The following ERF variants were observed in gnomAD, a reference collection of about 807,000 sequenced individuals.
ERF encodes ETS domain-containing transcription factor ERF.
A neutral mutation model predicts 41.6 loss-of-function variants in ERF; 10 were observed. The observed-to-expected ratio is 0.24, with a 90% CI of 0.15 to 0.41. The LOEUF (loss-of-function observed/expected upper bound fraction) is 0.41, where lower values mean the gene tolerates loss of function less well. Ranked by LOEUF, ERF falls within the 10% of genes least tolerant of loss-of-function variation. ERF has a pLI of 1.00. For synonymous variants in ERF, 395 were observed against 342.4 expected (o/e 1.15, Z -1.70); for missense variants, 621 against 763.2 (o/e 0.81, Z 2.19).
rs555470893 is a variant in ERF at position 42,248,401 on chromosome 19, G to A, written c.*64C>T. 2.2e-6 allele frequency: 3 copies of A among 1,384,146 alleles called. No individual in the cohort carries two copies. In the South Asian group the frequency reaches 5.9e-5, roughly 27 times the overall value. 85.7% of individuals were successfully genotyped at this position (1,384,146 alleles called of 1,614,324 possible). A position where few individuals can be genotyped will look rare whatever the true frequency, so the allele number is the denominator to read the frequency against. ...AGCTGCCCTCACCTCCAGGGCATAG[G>A]GGGCTTAAGGCAGCAAAAGAAGCAT... On this transcript the variant is annotated 3_prime_UTR_variant, in exon 4 of 4. Transcript: ENST00000222329. The surrounding 1 kb of genome is among the most constrained non-coding windows in gnomAD (Gnocchi z 4.2).
chr19:42,248,855 C>T lies in ERF; in HGVS notation c.1257G>A (p.Pro419=), dbSNP rs755237509. ...CCACCTTGATCTGTGGTGGCGGGGGCGGTGGGGCTAGCGCCCCTGCCCCCT... is the reference window on the plus strand; with the variant it reads ...CCACCTTGATCTGTGGTGGCGGGGGTGGTGGGGCTAGCGCCCCTGCCCCCT... The part of the protein sequence containing the change: ...LAEGAGALAP[P]PPPPQIKVEP... The change falls in exon 4 of 4, where the codon CCG becomes CCA. Residue 419 remains proline (P), a synonymous_variant. Coordinates refer to ENST00000222329, the MANE Select transcript of ERF (RefSeq NM_006494.4). The surrounding 1 kb of genome is among the most constrained non-coding windows in gnomAD (Gnocchi z 4.2). The T allele has an allele frequency of 2.5e-5, 41 of 1,609,846 alleles. 1 individual carries two copies. Among genetic ancestry groups the T allele is most frequent in the African/African-American group, 9.3e-5 (7 of 74,892 alleles).
chr19:42,248,348 A>C lies in ERF; in HGVS notation c.*117T>G. 1.1e-6 allele frequency: 1 copy of C among 933,520 alleles called. No individual in the cohort carries two copies. The highest frequency in any genetic ancestry group is 1.4e-6 in the Non-Finnish European group (1 of 690,848). 57.8% of individuals were successfully genotyped at this position (933,520 alleles called of 1,614,324 possible). A position where few individuals can be genotyped will look rare whatever the true frequency, so the allele number is the denominator to read the frequency against. ...TTTTATACAAAATGTGGGGAGGGAA[A>C]AGGGAGGAGGCAGGGAAGAGACAAG... On this transcript the variant is annotated 3_prime_UTR_variant, in exon 4 of 4. Coordinates refer to ENST00000222329, the MANE Select transcript of ERF (RefSeq NM_006494.4). The surrounding 1 kb of genome is among the most constrained non-coding windows in gnomAD (Gnocchi z 4.2).
In ERF at chr19:42,250,552, C is replaced by A; in HGVS notation, c.36G>T (p.Pro12=). Residue 12 remains proline, a synonymous_variant, in exon 2 of 4, where the codon CCG becomes CCT. Transcript: ENST00000222329. The surrounding 1 kb of genome is among the most constrained non-coding windows in gnomAD (Gnocchi z 5.1). The stretch of plus-strand genomic sequence containing the variant: ...ACGACTCTGGCTTGTAGGCCCAATC[C>A]GGGAAGGCAAACCCTGGGGACGGGA... ...KTPADTGFAF[P]DWAYKPESSP... The A allele has an allele frequency of 6.2e-7, 1 of 1,613,382 alleles. No homozygotes were observed. Among genetic ancestry groups the A allele is most frequent in the Non-Finnish European group, 8.5e-7 (1 of 1,179,982 alleles).
Position 42,250,715 on chromosome 19 carries a change from T to A in ERF, c.23-150A>T. 1.3e-6 allele frequency: 1 copy of A among 778,968 alleles called. No homozygotes were observed. The highest frequency in any genetic ancestry group is 2.0e-6 in the Non-Finnish European group (1 of 490,214). 48.3% of individuals were successfully genotyped at this position (778,968 alleles called of 1,614,324 possible). A position where few individuals can be genotyped will look rare whatever the true frequency, so the allele number is the denominator to read the frequency against. ...CAAGATCTGATTTAAGAGAAGACAGTGCGTGTCTGTCTGTCTGCATGTGAG... is the reference window on the plus strand; with the variant it reads ...CAAGATCTGATTTAAGAGAAGACAGAGCGTGTCTGTCTGTCTGCATGTGAG... On this transcript the variant is annotated intron_variant, in intron 1 of 3. Coordinates refer to ENST00000222329, the MANE Select transcript of ERF (RefSeq NM_006494.4). This position sits in a 1 kb window ranked among gnomAD's most constrained non-coding sequence, Gnocchi z 5.1.
Position 42,249,294 on chromosome 19 carries a change from G to C in ERF, c.818C>G (p.Thr273Ser), listed in dbSNP as rs374191725. The change falls in exon 4 of 4, where the codon ACC becomes AGC. Residue 273 changes from threonine (T) to serine (S), a missense_variant. By Grantham distance (58) the Thr-to-Ser change is moderately conservative (BLOSUM62 1). This residue lies in a region of ERF where 569 missense variants were observed against 625.5 expected (regional missense o/e 0.91). Transcript: ENST00000222329. The surrounding 1 kb of genome is among the most constrained non-coding windows in gnomAD (Gnocchi z 8.6). ...GGGCGAGGGAGTGTAGGCCAGGTGGGTGGGCGTCATGGGCAGAGCCGGGGA... is the reference window on the plus strand; with the variant it reads ...GGGCGAGGGAGTGTAGGCCAGGTGGCTGGGCGTCATGGGCAGAGCCGGGGA... ...QLSPALPMTP[T>S]HLAYTPSPTL... The C allele has an allele frequency of 9.1e-5, 146 of 1,602,550 alleles. No homozygotes were observed. Among genetic ancestry groups the C allele is most frequent in the Middle Eastern group, 6.7e-4 (4 of 6,000 alleles).
rs1326015747 is a variant in ERF, at chr19:42,250,497, G to A, written c.91C>T (p.His31Tyr). The change falls in exon 2 of 4, where the codon CAC becomes TAC. Residue 31 changes from histidine (H) to tyrosine (Y), a missense_variant. Transcript: ENST00000222329. The surrounding 1 kb of genome is among the most constrained non-coding windows in gnomAD (Gnocchi z 5.1). The stretch of plus-strand genomic sequence containing the variant: ...TTCCGCAGCAGCTCCAGGATAAAGT[G>A]CCACAGCTGGATCTGCCTTGAGCCA... ...SPGSRQIQLW[H>Y]FILELLRKEE... 1 of 1,613,728 alleles carries A rather than the reference G, an allele frequency of 6.2e-7. No homozygotes were observed. The highest frequency in any genetic ancestry group is 1.1e-5 in the South Asian group (1 of 91,064).
Position 42,250,237 on chromosome 19 carries a change from G to A in ERF, c.257+94C>T. On this transcript the variant is annotated intron_variant, in intron 2 of 3. Coordinates refer to ENST00000222329, the MANE Select transcript of ERF (RefSeq NM_006494.4). This position sits in a 1 kb window ranked among gnomAD's most constrained non-coding sequence, Gnocchi z 5.1. ...CACAGCTAGGATTTGGCAAAGCCAG[G>A]GGTCAGACCCAATGCTTGTTCCCAC... is the stretch of plus-strand genomic sequence containing the variant. The A allele has an allele frequency of 7.0e-7, 1 of 1,428,922 alleles. No individual in the cohort carries two copies. Among genetic ancestry groups the A allele is most frequent in the Non-Finnish European group, 9.6e-7 (1 of 1,045,802 alleles). 88.5% of individuals were successfully genotyped at this position (1,428,922 alleles called of 1,614,324 possible).
chr19:42,251,512 T>G, intron 1 of ERF: 1 of 240,700 alleles, frequency 4.2e-6, no homozygotes, highest in Non-Finnish European at 6.5e-6. Context: ...CATCAATAAT[T>G]CAGCACCAGG....
chr19:42,248,781 C>G lies in ERF; in HGVS notation c.1331G>C (p.Ser444Thr). 1 of 1,613,558 alleles carries G rather than the reference C, an allele frequency of 6.2e-7. No homozygotes were observed. Among genetic ancestry groups the G allele is most frequent in the Non-Finnish European group, 8.5e-7 (1 of 1,179,964 alleles). The change falls in exon 4 of 4, where the codon AGT (serine) becomes ACT (threonine). Residue 444 changes from serine (S) to threonine (T), a missense_variant. This residue lies in a region of ERF where 569 missense variants were observed against 625.5 expected (regional missense o/e 0.91). Coordinates refer to ENST00000222329, the MANE Select transcript of ERF (RefSeq NM_006494.4). This position sits in a 1 kb window ranked among gnomAD's most constrained non-coding sequence, Gnocchi z 4.2. ...ESEEVEVTDI[S>T]DEDEEDGEVF... is the part of the protein sequence containing the mutation. ...CTCCCCGTCTTCCTCATCCTCATCACTGATGTCAGTCACCTCTACCTCCTC... is the reference window on the plus strand; with the variant it reads ...CTCCCCGTCTTCCTCATCCTCATCAGTGATGTCAGTCACCTCTACCTCCTC...
At position 42,250,206 on chromosome 19, in the gene ERF, A is replaced by T; in HGVS notation, c.257+125T>A. On this transcript the variant is annotated intron_variant, in intron 2 of 3. Coordinates refer to ENST00000222329, the MANE Select transcript of ERF (RefSeq NM_006494.4). This position sits in a 1 kb window ranked among gnomAD's most constrained non-coding sequence, Gnocchi z 5.1. ...TCAGGGAAGGGCTGGGAGTGGCCCA[A>T]GGTCACACAGCTAGGATTTGGCAAA... 1 of 1,128,200 alleles carries T rather than the reference A, an allele frequency of 8.9e-7. No homozygotes were observed. 69.9% of individuals were successfully genotyped at this position (1,128,200 alleles called of 1,614,324 possible).
In ERF at chr19:42,250,201, GC is replaced by G; in HGVS notation, c.257+129del. 9.3e-7 allele frequency: 1 copy of G among 1,070,182 alleles called. No individual in the cohort carries two copies. Among genetic ancestry groups the G allele is most frequent in the South Asian group, 1.5e-5 (1 of 65,794 alleles). 66.3% of individuals were successfully genotyped at this position (1,070,182 alleles called of 1,614,324 possible). On this transcript the variant is annotated intron_variant, in intron 2 of 3. Coordinates refer to ENST00000222329, the MANE Select transcript of ERF (RefSeq NM_006494.4). This position sits in a 1 kb window ranked among gnomAD's most constrained non-coding sequence, Gnocchi z 5.1. ...GGGGCTCAGGGAAGGGCTGGGAGTGGCCCAAGGTCACACAGCTAGGATTTGG... is the reference window on the plus strand; with the variant it reads ...GGGGCTCAGGGAAGGGCTGGGAGTGGCCAAGGTCACACAGCTAGGATTTGG...
At position 42,249,081 on chromosome 19, in the gene ERF, C is replaced by T. The variant is rs377467874; in HGVS notation, c.1031G>A (p.Arg344His). ...YPGLVVPQPQ[R>H]PDKCPLPPMA... is the part of the protein sequence containing the mutation. ...GGGCGGCAGCGGGCACTTGTCAGGGCGCTGGGGCTGGGGCACCACCAGCCC... is the reference window on the plus strand; with the variant it reads ...GGGCGGCAGCGGGCACTTGTCAGGGTGCTGGGGCTGGGGCACCACCAGCCC... Residue 344 changes from arginine to histidine, a missense_variant, in exon 4 of 4, where the codon CGC becomes CAC. Transcript: ENST00000222329. The surrounding 1 kb of genome is among the most constrained non-coding windows in gnomAD (Gnocchi z 8.6). 86 of 1,613,192 alleles carry T rather than the reference C, an allele frequency of 5.3e-5. 1 individual carries two copies. The highest frequency in any genetic ancestry group is 2.2e-4 in the Admixed American group (13 of 59,960).
At chr19:42,251,166 T>G (rs923170647) in intron 1 of ERF, 4 of 962,626 alleles carry the variant, frequency 4.2e-6, no homozygotes, top group Admixed American at 6.2e-5. Flanking sequence ...CTGTCTTCCC[T>G]GGAGAGTGAA....
In ERF at chr19:42,248,565, TC is replaced by T; in HGVS notation, c.1546del (p.Glu516ArgfsTer15). ...GGGCCCCCCAGCCTCCCCAGGCCCC[TC>T]CCCACGCACCTTCTTGTCCTCACCC... is the stretch of plus-strand genomic sequence containing the variant. ...DEGEDKKVRG[E>X]GPGEAGGPLT... On this transcript the variant is annotated frameshift_variant, in exon 4 of 4. Coordinates refer to ENST00000222329, the MANE Select transcript of ERF (RefSeq NM_006494.4). LOFTEE classifies it high-confidence loss of function. This position sits in a 1 kb window ranked among gnomAD's most constrained non-coding sequence, Gnocchi z 4.2. 1.3e-6 allele frequency: 2 copies of T among 1,564,602 alleles called. No individual in the cohort carries two copies. The highest frequency in any genetic ancestry group is 8.7e-7 in the Non-Finnish European group (1 of 1,155,228).
intron 1 of ERF, among the ~76,000 whole-genome samples, chr19:42,252,974 G>C (rs1405154150): frequency 1.3e-5 from 2 of 152,196 alleles, no homozygotes; most frequent in African/African-American, 4.8e-5. Flanking sequence ...GGGTTCAGGA[G>C]ACTGCGAGAC....
In ERF at chr19:42,249,988, C is replaced by G. The variant is rs1380581712; in HGVS notation, c.258-46G>C. 15 of 1,538,868 alleles carry G rather than the reference C, an allele frequency of 9.7e-6. No homozygotes were observed. The highest frequency in any genetic ancestry group is 1.3e-5 in the Non-Finnish European group (15 of 1,111,804). ...TTGGGAAGGTCAGGTACGTGGGACC[C>G]AGGTCTAGACTCCACACCTTAACAC... On this transcript the variant is annotated intron_variant, in intron 2 of 3. Coordinates refer to ENST00000222329, the MANE Select transcript of ERF (RefSeq NM_006494.4). This position sits in a 1 kb window ranked among gnomAD's most constrained non-coding sequence, Gnocchi z 8.6.
At position 42,255,084 on chromosome 19, in the gene ERF, G is replaced by C. The variant is rs1599830638; in HGVS notation, c.-85C>G. 1.7e-6 allele frequency: 2 copies of C among 1,190,894 alleles called. No individual in the cohort carries two copies. The highest frequency in any genetic ancestry group is 6.6e-5 in the East Asian group (2 of 30,078). The allele number at this position is 1,190,894 out of a possible 1,614,324, so 73.8% of individuals were successfully genotyped here. ...GCCCCGTCCCGTCCCGCGCCCGTCG[G>C]GCCGCCCTCGCCGCCTCACCCGGCC... On this transcript the variant is annotated 5_prime_UTR_variant, in exon 1 of 4. Coordinates refer to ENST00000222329, the MANE Select transcript of ERF (RefSeq NM_006494.4).
rs2036409628 is a variant in ERF at position 42,249,670 on chromosome 19, T to C, written c.442A>G (p.Thr148Ala). 1.2e-6 allele frequency: 2 copies of C among 1,601,698 alleles called. No individual in the cohort carries two copies. Among genetic ancestry groups the C allele is most frequent in the Non-Finnish European group, 1.7e-6 (2 of 1,173,052 alleles). Residue 148 changes from threonine to alanine, a missense_variant, in exon 4 of 4, where the codon ACG (threonine) becomes GCG (alanine). Transcript: ENST00000222329. This position sits in a 1 kb window ranked among gnomAD's most constrained non-coding sequence, Gnocchi z 8.6. ...GTGGGGGACAGCACCTCGGAGGGCG[T>C]TGAGGGAGGGAAGCGGAAGTGGCTA... is the stretch of plus-strand genomic sequence containing the variant. ...GGSHFRFPPS[T>A]PSEVLSPTED... is the part of the protein sequence containing the mutation.
chr19:42,253,317 C>T (rs1599827986), intron 1 of ERF, among the ~76,000 whole-genome samples: 2 of 152,086 alleles, frequency 1.3e-5, no homozygotes, highest in South Asian at 4.1e-4. Flanking sequence ...AGAGAGGGAC[C>T]GGGATGGAGA....
Sources: allele counts gnomAD v4.1 joint callset (sites outside exome capture counted in the v4.1 genomes callset), GRCh38; gene constraint gnomAD v4.1.1; regional missense constraint gnomAD v4.1.1; non-coding constraint Gnocchi (gnomAD v3.1); transcripts MANE v1.5; gene names NCBI Gene and HGNC (gene_info 2026-07-23, HGNC 2026-07-21).